The following NT5DC1 variants were observed in gnomAD, a reference collection of about 807,000 sequenced individuals.
NT5DC1 encodes the protein 5'-nucleotidase domain containing 1, also known as 5'-nucleotidase domain-containing protein 1.
A neutral mutation model predicts 59.4 loss-of-function variants in NT5DC1; 42 were observed. The observed-to-expected ratio is 0.71, with a 90% confidence interval of 0.55 to 0.92. NT5DC1 has a LOEUF of 0.92. Ranked by LOEUF, NT5DC1 falls within the 40% of genes least tolerant of loss-of-function variation. The probability of loss-of-function intolerance (pLI) is 0.00; values close to 1 mark genes in which losing one functional copy is unlikely to be tolerated. For missense variants in NT5DC1, 501 were observed against 537.1 expected (o/e 0.93, Z 0.66); for synonymous variants, 172 against 188.1 (o/e 0.91, Z 0.70).
chr6:116,214,834 G>A (rs531017763), intron 6 of NT5DC1, among the ~76,000 whole-genome samples: 1 of 151,892 alleles, frequency 6.6e-6, no homozygotes, highest in East Asian at 1.9e-4. Flanking sequence ...AAAAAAAAGA[G>A]TTATCTGGCT....
intron 6 of NT5DC1, among the ~76,000 whole-genome samples, chr6:116,143,768 C>T (rs1779822510): frequency 6.6e-6 from 1 of 152,058 alleles, no homozygotes; most frequent in African/African-American, 2.4e-5. Flanking sequence ...GTTATTCAGT[C>T]AACAAAATTA....
At chr6:116,103,709 G>A (rs773900349) in intron 1 of NT5DC1, among the ~76,000 whole-genome samples, 6 of 152,104 alleles carry the variant, frequency 3.9e-5, no homozygotes, top group Admixed American at 6.5e-5. Flanking sequence ...CAACTGCACA[G>A]AGTTGTGCAA....
At chr6:116,148,349 A>G (rs895518921) in intron 6 of NT5DC1, among the ~76,000 whole-genome samples, 3 of 152,226 alleles carry the variant, frequency 2.0e-5, no homozygotes, top group Non-Finnish European at 4.4e-5. Context: ...AAAGCAAAAT[A>G]GAAAATATTG....
chr6:116,212,705 G>GT (rs1781603961), intron 6 of NT5DC1, among the ~76,000 whole-genome samples: 1 of 151,936 alleles, frequency 6.6e-6, no homozygotes, highest in Non-Finnish European at 1.5e-5. Flanking sequence ...GGGAGGCAGG[G>GT]GAACAAACAT....
At position 116,231,753 on chromosome 6, in the gene NT5DC1, TAATA is replaced by T. The variant is rs1174622099; in HGVS notation, c.803-5203_803-5200del. ...ATGTCTATCTATAGAGGACTATTAT[TAATA>T]AATAAATAATAGAACATGTGTAAAA... On this transcript the variant is annotated intron_variant, in intron 8 of 11. Coordinates refer to ENST00000319550, the MANE Select transcript of NT5DC1 (RefSeq NM_152729.3). Among the ~76,000 whole-genome samples, 3 of 152,326 alleles carry T rather than the reference TAATA, an allele frequency of 2.0e-5. No individual in the cohort carries two copies. The East Asian group carries it at 5.8e-4, about 29-fold the overall frequency.
chr6:116,156,676 A>G (rs1236536167), intron 6 of NT5DC1, among the ~76,000 whole-genome samples: 1 of 152,256 alleles, frequency 6.6e-6, no homozygotes, highest in Non-Finnish European at 1.5e-5. Context: ...GTCAGATGGA[A>G]TGACACTGCA....
In NT5DC1 at chr6:116,230,368, C is replaced by CT. The variant is rs201157808; in HGVS notation, c.803-6597dup. 1.6e-3 allele frequency among the ~76,000 whole-genome samples: 238 copies of CT among 152,302 alleles called. 3 individuals carry two copies. Among genetic ancestry groups the CT allele is most frequent in the Admixed American group, 0.013 (193 of 15,304 alleles). On this transcript the variant is annotated intron_variant, in intron 8 of 11. Transcript: ENST00000319550. ...AATTACCTTTCCATCTTCCTTAACT[C>CT]TATCTCCATAAAAGTACCCTTTACT...
At position 116,198,685 on chromosome 6, in the gene NT5DC1, C is replaced by T. The variant is rs1008359136; in HGVS notation, c.530-22369C>T. ...CAAAGTTACCTATGAGCTACGATCACACCACTGCACTCCAGCCTGGGCAAC... is the reference window on the plus strand; with the variant it reads ...CAAAGTTACCTATGAGCTACGATCATACCACTGCACTCCAGCCTGGGCAAC... On this transcript the variant is annotated intron_variant, in intron 6 of 11. Coordinates refer to ENST00000319550, the MANE Select transcript of NT5DC1 (RefSeq NM_152729.3). Among the ~76,000 whole-genome samples the T allele has an allele frequency of 4.6e-5, 7 of 152,076 alleles. No homozygotes were observed. In the South Asian group the frequency reaches 1.5e-3, roughly 32 times the overall value.
chr6:116,126,166 G>GT (rs1394776052), intron 6 of NT5DC1: 5 of 152,234 alleles, frequency 3.3e-5, no homozygotes, highest in African/African-American at 7.2e-5. Context: ...TATTTATACT[G>GT]TTTTTCCCTT....
intron 6 of NT5DC1, among the ~76,000 whole-genome samples, chr6:116,140,495 G>A (rs964596050): frequency 6.6e-6 from 1 of 152,022 alleles, no homozygotes; most frequent in Non-Finnish European, 1.5e-5. Context: ...AAAGGTGAGG[G>A]ATATTAATTC....
chr6:116,182,222 A>AGTGTGTGTGTGTGTGTGTGTGT (rs35883565), intron 6 of NT5DC1, among the ~76,000 whole-genome samples: 9 of 124,686 alleles, frequency 7.2e-5, no homozygotes, highest in African/African-American at 2.0e-4. Flanking sequence ...TTCCATGGAG[A>AGTGTGTGTGTGTGTGTGTGTGT]GTGTGTGTGT....
At chr6:116,144,566 C>T (rs201590648) in intron 6 of NT5DC1, among the ~76,000 whole-genome samples, 23 of 151,492 alleles carry the variant, frequency 1.5e-4, no homozygotes, top group African/African-American at 4.8e-4. Context: ...TTCTATATTA[C>T]TTTAAATATA....
intron 8 of NT5DC1, among the ~76,000 whole-genome samples, chr6:116,236,724 G>T (rs1782119775): frequency 6.6e-6 from 1 of 152,152 alleles, no homozygotes; most frequent in Non-Finnish European, 1.5e-5. Context: ...TCACTTACCA[G>T]CATTGAGATC....
intron 6 of NT5DC1, among the ~76,000 whole-genome samples, chr6:116,215,808 A>G (rs1781678171): frequency 6.6e-6 from 1 of 152,174 alleles, no homozygotes; most frequent in Non-Finnish European, 1.5e-5. Context: ...AACTATTACA[A>G]TACATATGTA....
chr6:116,118,975 GA>G (rs1380610879), intron 6 of NT5DC1: 1 of 152,482 alleles, frequency 6.6e-6, no homozygotes, highest in Non-Finnish European at 1.5e-5. Flanking sequence ...AGCCTTGAAA[GA>G]ATGGTTGAGA....
intron 8 of NT5DC1, among the ~76,000 whole-genome samples, chr6:116,231,148 T>TCCCC (rs34977850): frequency 0.013 from 1,489 of 116,550 alleles, 19 homozygotes; most frequent in African/African-American, 0.027. Flanking sequence ...GAATGGTAAA[T>TCCCC]CCCCCCCCCA....
At chr6:116,230,563 A>C (rs540429259) in intron 8 of NT5DC1, among the ~76,000 whole-genome samples, 1 of 152,364 alleles carries the variant, frequency 6.6e-6, no homozygotes, top group Admixed American at 6.5e-5. Context: ...GCATTTCTAA[A>C]TAACTTGTCT....
chr6:116,120,861 C>T lies in NT5DC1; in HGVS notation c.529+2916C>T, dbSNP rs369941065. 1.2e-5 allele frequency: 19 copies of T among 1,613,898 alleles called. No homozygotes were observed. The highest frequency in any genetic ancestry group is 6.6e-5 in the South Asian group (6 of 91,082). On this transcript the variant is annotated intron_variant, in intron 6 of 11. Transcript: ENST00000319550. ...GCTGGGCCCACAGGGCCTGGGAGAC[C>T]AGGAGGTCCTCCAACTCCAGGATCA...
chr6:116,198,259 A>G (rs1781277067), intron 6 of NT5DC1, among the ~76,000 whole-genome samples: 1 of 152,056 alleles, frequency 6.6e-6, no homozygotes, highest in Admixed American at 6.6e-5. Flanking sequence ...AAGCCACGTA[A>G]CTATTCCACA....
Sources: allele counts gnomAD v4.1 joint callset (sites outside exome capture counted in the v4.1 genomes callset), GRCh38; gene constraint gnomAD v4.1.1; transcripts MANE v1.5; gene names NCBI Gene and HGNC (gene_info 2026-07-23, HGNC 2026-07-21).